The following NINJ2 variants were observed in gnomAD, a reference collection of about 807,000 sequenced individuals.
The protein encoded by NINJ2 is ninjurin-2.
NINJ2 carries 12 observed loss-of-function variants against 11.7 expected under a neutral mutation model. The ratio of observed to expected loss-of-function variants is 1.02; its 90% CI spans 0.66 to 1.66. NINJ2 has a LOEUF of 1.66. NINJ2 is among the 40% of genes most tolerant of loss of function. NINJ2 has a pLI of 0.00. For synonymous variants in NINJ2, 93 were observed against 76.8 expected (o/e 1.21, Z -1.10); for missense variants, 187 against 181.8 (o/e 1.03, Z -0.16).
intron 1 of NINJ2, among the ~76,000 whole-genome samples, chr12:612,475 C>T (rs1364751083): frequency 6.6e-6 from 1 of 152,142 alleles, no homozygotes; most frequent in African/African-American, 2.4e-5. Flanking sequence ...ATTTTCCCTT[C>T]CATTAATCTG....
chr12:648,049 C>T (rs867220291), intron 1 of NINJ2, among the ~76,000 whole-genome samples: 1 of 152,166 alleles, frequency 6.6e-6, no homozygotes, highest in African/African-American at 2.4e-5. Context: ...CGGTGCATGG[C>T]AAATTGGATA....
chr12:648,980 A>ATCTATCTGTCTATCTGTCTG (rs1555167420), intron 1 of NINJ2, among the ~76,000 whole-genome samples: 840 of 17,878 alleles, frequency 0.047, 13 homozygotes, highest in East Asian at 0.38. Context: ...TCATCCACCT[A>ATCTATCTGTCTATCTGTCTG]TCTATCTATC....
At chr12:639,102 G>C (rs1017757628) in intron 1 of NINJ2, among the ~76,000 whole-genome samples, 4 of 151,932 alleles carry the variant, frequency 2.6e-5, no homozygotes, top group African/African-American at 7.3e-5. Context: ...CAAGGGCCTG[G>C]TCCATCCGTT....
intron 1 of NINJ2, among the ~76,000 whole-genome samples, chr12:605,537 G>A (rs1422442850): frequency 6.6e-6 from 1 of 152,210 alleles, no homozygotes; most frequent in African/African-American, 2.4e-5. Context: ...TCCAGCCGGA[G>A]AGACAGAGCA....
intron 1 of NINJ2, among the ~76,000 whole-genome samples, chr12:619,396 T>G (rs969678867): frequency 6.6e-6 from 1 of 152,204 alleles, no homozygotes; most frequent in East Asian, 1.9e-4. Context: ...GCTCCTCTAG[T>G]TCTGAAGAGC....
intron 1 of NINJ2, among the ~76,000 whole-genome samples, chr12:651,766 A>G (rs1937789627): frequency 6.6e-6 from 1 of 152,240 alleles, no homozygotes. Flanking sequence ...AGAGAGAACC[A>G]AAAAGAAACG....
chr12:626,925 A>T (rs1218435237), intron 1 of NINJ2, among the ~76,000 whole-genome samples: 6 of 152,098 alleles, frequency 3.9e-5, no homozygotes, highest in African/African-American at 1.4e-4. Context: ...GTCTCTACAA[A>T]AATTAAAAGA....
intron 1 of NINJ2, among the ~76,000 whole-genome samples, chr12:622,861 G>A (rs1444640499): frequency 2.0e-5 from 3 of 151,610 alleles, no homozygotes; most frequent in Admixed American, 2.0e-4. Context: ...GAGTTCACAT[G>A]GACCCCCTTG....
chr12:660,693 G>C (rs1333493180), intron 1 of NINJ2, among the ~76,000 whole-genome samples: 1 of 151,948 alleles, frequency 6.6e-6, no homozygotes, highest in Non-Finnish European at 1.5e-5. Context: ...AGCTATGGTG[G>C]CTCACACCTG....
chr12:617,035 G>A (rs574863377), intron 1 of NINJ2, among the ~76,000 whole-genome samples: 11 of 152,236 alleles, frequency 7.2e-5, no homozygotes, highest in Admixed American at 4.6e-4. Context: ...GTGAAACCCC[G>A]TCTCTACTAA....
chr12:615,826 C>G (rs767901445), intron 1 of NINJ2, among the ~76,000 whole-genome samples: 6 of 152,228 alleles, frequency 3.9e-5, no homozygotes, highest in Non-Finnish European at 7.3e-5. Context: ...CACGACTTCA[C>G]ATGCCCTTTT....
intron 1 of NINJ2, among the ~76,000 whole-genome samples, chr12:624,680 G>T (rs1169197805): frequency 6.6e-6 from 1 of 151,344 alleles, no homozygotes. Context: ...GTGGTGGCAT[G>T]TGCCTGTAAT....
intron 1 of NINJ2, among the ~76,000 whole-genome samples, chr12:578,515 G>A (rs554451037): frequency 1.0e-3 from 156 of 152,122 alleles, no homozygotes; most frequent in African/African-American, 3.7e-3. Flanking sequence ...ATGTGGTCTC[G>A]CTATGTTGCC....
At chr12:655,999 A>G (rs536471543) in intron 1 of NINJ2, among the ~76,000 whole-genome samples, 1 of 152,314 alleles carries the variant, frequency 6.6e-6, no homozygotes, top group East Asian at 1.9e-4. Flanking sequence ...GACTCACTAT[A>G]GATTCAAACA....
intron 1 of NINJ2, among the ~76,000 whole-genome samples, chr12:636,649 T>G (rs1948355728): frequency 2.0e-5 from 3 of 151,992 alleles, no homozygotes; most frequent in African/African-American, 4.8e-5. Context: ...CACCAGTCAT[T>G]AGACAAATAC....
intron 1 of NINJ2, among the ~76,000 whole-genome samples, chr12:608,008 G>A (rs751304463): frequency 1.2e-4 from 18 of 152,324 alleles, no homozygotes; most frequent in Middle Eastern, 3.4e-3. Flanking sequence ...GGCTTAAAAG[G>A]AAATGTGCGC....
Position 565,769 on chromosome 12 carries a change from G to A in NINJ2, c.262+181C>T, listed in dbSNP as rs575195933. ...GGGATACCAGGAGACAGGACAGGGC[G>A]CCTGCCCTCGCGGGGTGGAAGTTGG... On this transcript the variant is annotated intron_variant, in intron 2 of 3. Coordinates refer to ENST00000305108, the MANE Select transcript of NINJ2 (RefSeq NM_016533.6). 2.0e-3 allele frequency: 1,387 copies of A among 679,990 alleles called. 30 individuals are homozygous for A. In the South Asian group the frequency reaches 0.021, roughly 10 times the overall value. The allele number at this position is 679,990 out of a possible 1,614,324, so 42.1% of individuals were successfully genotyped here. A position where few individuals can be genotyped will look rare whatever the true frequency, so the allele number is the denominator to read the frequency against.
chr12:621,729 A>C (rs1235246915), intron 1 of NINJ2, among the ~76,000 whole-genome samples: 1 of 151,326 alleles, frequency 6.6e-6, no homozygotes, highest in East Asian at 1.9e-4. Flanking sequence ...AGGCAGGAGA[A>C]TCACTTGAAC....
At chr12:596,957 G>A (rs1947796424) in intron 1 of NINJ2, among the ~76,000 whole-genome samples, 1 of 151,816 alleles carries the variant, frequency 6.6e-6, no homozygotes, top group Admixed American at 6.6e-5. Flanking sequence ...AGAATTCACA[G>A]TCGAAAAGAT....
Sources: allele counts gnomAD v4.1 joint callset (sites outside exome capture counted in the v4.1 genomes callset), GRCh38; gene constraint gnomAD v4.1.1; transcripts MANE v1.5; gene names NCBI Gene and HGNC (gene_info 2026-07-23, HGNC 2026-07-21).